The following ACTN4 variants were observed in gnomAD, a reference collection of about 807,000 sequenced individuals.
ACTN4 encodes alpha-actinin-4.
Under a neutral mutation model 114.2 loss-of-function variants are expected in ACTN4, and 18 were observed. The observed-to-expected ratio is 0.16, with a 90% CI of 0.11 to 0.23. The LOEUF is 0.23. Ranked by LOEUF, ACTN4 falls within the 10% of genes least tolerant of loss-of-function variation. The probability of loss-of-function intolerance (pLI) is 1.00; values close to 1 mark genes in which losing one functional copy is unlikely to be tolerated. For missense variants in ACTN4, 722 were observed against 1,262.9 expected (o/e 0.57, Z 6.49); for synonymous variants, 515 against 506.3 (o/e 1.02, Z -0.23).
chr19:38,667,667 T>TGA (rs1425619230), intron 1 of ACTN4, among the ~76,000 whole-genome samples: 1 of 149,400 alleles, frequency 6.7e-6, no homozygotes, highest in African/African-American at 2.5e-5. Context: ...GTGTGGAAAC[T>TGA]GAGACGCTGG....
Position 38,728,419 on chromosome 19 carries a change from C to A in ACTN4, c.2418+393C>A, listed in dbSNP as rs1361948658. ...GTCTCCCCAGCCACCCGCTCCTCCT[C>A]CTCCTCCTCCTCCTCCTCCTCCTCC... On this transcript the variant is annotated intron_variant, in intron 19 of 20. Transcript: ENST00000252699. The A allele has an allele frequency of 5.0e-6, 4 of 794,298 alleles. No homozygotes were observed. In the South Asian group the frequency reaches 8.5e-5, roughly 17 times the overall value. 49.2% of individuals were successfully genotyped at this position (794,298 alleles called of 1,614,324 possible). A position where few individuals can be genotyped will look rare whatever the true frequency, so the allele number is the denominator to read the frequency against.
chr19:38,696,977 C>G (rs73933047), intron 1 of ACTN4, among the ~76,000 whole-genome samples: 4,291 of 152,294 alleles, frequency 0.028, 204 homozygotes, highest in African/African-American at 0.097. Context: ...TGACATGTGT[C>G]CTTGTGTTTA....
Position 38,647,689 on chromosome 19 carries a change from A to AGGGGCGGGAGCT in ACTN4, c.-55_-44dup, listed in dbSNP as rs960319364. 47 of 1,503,086 alleles carry AGGGGCGGGAGCT rather than the reference A, an allele frequency of 3.1e-5. No homozygotes were observed. Among genetic ancestry groups the AGGGGCGGGAGCT allele is most frequent in the Non-Finnish European group, 4.1e-5 (46 of 1,126,654 alleles). The allele number at this position is 1,503,086 out of a possible 1,614,324, so 93.1% of individuals were successfully genotyped here. A position where few individuals can be genotyped will look rare whatever the true frequency, so the allele number is the denominator to read the frequency against. ...GCGGTAGCGGCGGCGGCTCGGGCAG[A>AGGGGCGGGAGCT]GGGGCGGGAGCTGAGGCGGGAGCGG... On this transcript the variant is annotated 5_prime_UTR_variant, in exon 1 of 21. Transcript: ENST00000252699.
chr19:38,722,051 A>G (rs769628263), intron 12 of ACTN4, among the ~76,000 whole-genome samples: 4 of 152,204 alleles, frequency 2.6e-5, no homozygotes, highest in African/African-American at 4.8e-5. Flanking sequence ...GCTCCCAGCC[A>G]TAGGTCCCTG....
In ACTN4 at chr19:38,700,733, C is replaced by A; in HGVS notation, c.277+19C>A. The A allele has an allele frequency of 2.5e-6, 4 of 1,600,754 alleles. No individual in the cohort carries two copies. The highest frequency in any genetic ancestry group is 3.4e-6 in the Non-Finnish European group (4 of 1,168,596). On this transcript the variant is annotated intron_variant, in intron 2 of 20. Transcript: ENST00000252699. Reference sequence around the variant, plus strand: ...ATATCAGGTGAGACTCCCAGCCACGCAGTGCGGCCGAGCCCTGGCACAGGT... The same window carrying A: ...ATATCAGGTGAGACTCCCAGCCACGAAGTGCGGCCGAGCCCTGGCACAGGT...
At chr19:38,685,176 C>T (rs574445403) in intron 1 of ACTN4, among the ~76,000 whole-genome samples, 1 of 152,138 alleles carries the variant, frequency 6.6e-6, no homozygotes, top group Non-Finnish European at 1.5e-5. Flanking sequence ...GAACTCCTGA[C>T]CTCGTGATCC....
chr19:38,728,363 C>T (rs1246748887), intron 19 of ACTN4: 3 of 1,428,484 alleles, frequency 2.1e-6, no homozygotes, highest in Non-Finnish European at 9.4e-7. Context: ...CTCTGCTTAT[C>T]TCCACAGGAT....
At chr19:38,664,813 G>A (rs1966906284) in intron 1 of ACTN4, among the ~76,000 whole-genome samples, 1 of 152,188 alleles carries the variant, frequency 6.6e-6, no homozygotes, top group Non-Finnish European at 1.5e-5. Flanking sequence ...AGGCATAGAT[G>A]ATAAGGAGGT....
chr19:38,709,565 A>T (rs374437840), intron 7 of ACTN4, 89 bp downstream of exon 7: 1 of 1,183,814 alleles, frequency 8.4e-7, no homozygotes, highest in Non-Finnish European at 1.3e-6. Flanking sequence ...CTGTGGGCAC[A>T]TCAGAGCTTT....
Position 38,723,975 on chromosome 19 carries a change from C to A in ACTN4, c.1590C>A (p.His530Gln). Reference sequence around the variant, plus strand: ...AGCTGGAGGCCATCGACCAGCTGCACCTGGAATACGCCAAGCGCGCGGCCC... The same window carrying A: ...AGCTGGAGGCCATCGACCAGCTGCAACTGGAATACGCCAAGCGCGCGGCCC... ...EKQLEAIDQL[H>Q]LEYAKRAAPF... The change falls in exon 14 of 21, where the codon CAC (histidine) becomes CAA (glutamine). Residue 530 changes from histidine (H) to glutamine (Q), a missense_variant. By Grantham distance (24) the His-to-Gln change is conservative (BLOSUM62 0). Coordinates refer to ENST00000252699, the MANE Select transcript of ACTN4 (RefSeq NM_004924.6). 6.2e-7 allele frequency: 1 copy of A among 1,613,672 alleles called. No homozygotes were observed. Among genetic ancestry groups the A allele is most frequent in the South Asian group, 1.1e-5 (1 of 91,074 alleles).
intron 1 of ACTN4, among the ~76,000 whole-genome samples, chr19:38,679,670 C>A (rs774758020): frequency 1.3e-5 from 2 of 151,578 alleles, no homozygotes; most frequent in East Asian, 1.9e-4. Flanking sequence ...TAGCTCACTG[C>A]GGCCTCTGAA....
Position 38,729,470 on chromosome 19 carries a change from C to T in ACTN4, c.*38C>T, listed in dbSNP as rs1196095445. On this transcript the variant is annotated 3_prime_UTR_variant, in exon 21 of 21. Coordinates refer to ENST00000252699, the MANE Select transcript of ACTN4 (RefSeq NM_004924.6). ...CTGACCCAACACCCCCGACGGCCTC[C>T]AGGAGGGGCCTGGGCAGCCCCACAG... 1.3e-6 allele frequency: 2 copies of T among 1,599,546 alleles called. No individual in the cohort carries two copies. Among genetic ancestry groups the T allele is most frequent in the African/African-American group, 2.8e-5 (2 of 72,704 alleles).
intron 8 of ACTN4, among the ~76,000 whole-genome samples, chr19:38,712,095 A>G (rs1489499065): frequency 2.0e-5 from 3 of 152,216 alleles, no homozygotes; most frequent in Non-Finnish European, 4.4e-5. Flanking sequence ...TTTACTGAAC[A>G]TGTACTACAC....
At chr19:38,658,905 C>T (rs575016248) in intron 1 of ACTN4, among the ~76,000 whole-genome samples, 1 of 152,098 alleles carries the variant, frequency 6.6e-6, no homozygotes, top group Admixed American at 6.5e-5. Flanking sequence ...AGGGCTGTCT[C>T]TAAATGTCTT....
rs1969557189 is a variant in ACTN4, at chr19:38,731,080, GCC to G, written c.*1651_*1652del. 21 of 1,093,194 alleles carry G rather than the reference GCC, an allele frequency of 1.9e-5. No individual in the cohort carries two copies. Among genetic ancestry groups the G allele is most frequent in the Non-Finnish European group, 2.6e-5 (20 of 776,898 alleles). 67.7% of individuals were successfully genotyped at this position (1,093,194 alleles called of 1,614,324 possible). A position where few individuals can be genotyped will look rare whatever the true frequency, so the allele number is the denominator to read the frequency against. On this transcript the variant is annotated 3_prime_UTR_variant, in exon 21 of 21. Coordinates refer to ENST00000252699, the MANE Select transcript of ACTN4 (RefSeq NM_004924.6). ...CAGTCCCCGTACCCCTTCCCCCCAT[GCC>G]CCACCATGCCGGGGTGGTACTCACA...
chr19:38,692,216 G>A (rs143224822), intron 1 of ACTN4, among the ~76,000 whole-genome samples: 29 of 152,310 alleles, frequency 1.9e-4, no homozygotes, highest in East Asian at 1.4e-3. Context: ...AGGTTATGTC[G>A]TCATGTAACA....
At chr19:38,657,987 G>A (rs966665910) in intron 1 of ACTN4, among the ~76,000 whole-genome samples, 5 of 152,206 alleles carry the variant, frequency 3.3e-5, no homozygotes, top group Admixed American at 6.5e-5. Context: ...AAACCAAGTT[G>A]CTTACTTACT....
At chr19:38,708,870 G>A (rs1034797575) in intron 6 of ACTN4, among the ~76,000 whole-genome samples, 9 of 152,200 alleles carry the variant, frequency 5.9e-5, no homozygotes, top group African/African-American at 9.7e-5. Context: ...CACCCAGCCC[G>A]TTCCAGCCAC....
At chr19:38,673,232 C>G (rs1967189014) in intron 1 of ACTN4, among the ~76,000 whole-genome samples, 1 of 151,474 alleles carries the variant, frequency 6.6e-6, no homozygotes, top group African/African-American at 2.4e-5. Flanking sequence ...CATGAGCCAC[C>G]ACACCCGGCC....
Sources: gnomAD v4.1 joint callset for allele counts (sites outside exome capture counted in the v4.1 genomes callset) on GRCh38, gnomAD v4.1.1 for gene constraint, MANE v1.5 for transcripts, NCBI Gene and HGNC (gene_info 2026-07-23, HGNC 2026-07-21) for gene names.